Variants in PARP9 observed in about 807,000 individuals in gnomAD.
PARP9 encodes poly(ADP-ribose) polymerase family member 9, also known as protein mono-ADP-ribosyltransferase PARP9.
PARP9 carries 48 observed loss-of-function variants against 68.8 expected under a neutral mutation model. The ratio of observed to expected loss-of-function variants is 0.70; its 90% CI spans 0.55 to 0.89. The LOEUF (loss-of-function observed/expected upper bound fraction) is 0.89, where lower values mean the gene tolerates loss of function less well. Among genes scored for constraint, PARP9 ranks in the 40% least tolerant of loss-of-function variants. The pLI is 0.00. For synonymous variants in PARP9, 309 were observed against 333.8 expected (o/e 0.93, Z 0.81); for missense variants, 806 against 969.3 (o/e 0.83, Z 2.24).
chr3:122,548,106 A>C (rs1376721912), intron 6 of PARP9, among the ~76,000 whole-genome samples: 1 of 152,224 alleles, frequency 6.6e-6, no homozygotes, highest in African/African-American at 2.4e-5. Context: ...ATCTCTTCTA[A>C]ATCTGTTTTC....
At chr3:122,544,233 A>G (rs955266623) in intron 7 of PARP9, among the ~76,000 whole-genome samples, 2 of 152,136 alleles carry the variant, frequency 1.3e-5, no homozygotes, top group Admixed American at 1.3e-4. Context: ...CTCATTCATG[A>G]AGCCATTCTT....
intron 7 of PARP9, among the ~76,000 whole-genome samples, chr3:122,541,895 C>A (rs879479155): frequency 6.6e-6 from 1 of 152,190 alleles, no homozygotes; most frequent in Non-Finnish European, 1.5e-5. Context: ...AAATTCTCAT[C>A]TTTCTCCTGA....
intron 10 of PARP9, chr3:122,535,134 G>T: frequency 1.0e-6 from 1 of 984,938 alleles, no homozygotes; most frequent in Non-Finnish European, 1.2e-6. Context: ...AGTGGGTGGG[G>T]ATTGCAGAGA....
At chr3:122,546,130 T>C (rs952929144) in intron 6 of PARP9, 6 of 152,352 alleles carry the variant, frequency 3.9e-5, no homozygotes, top group African/African-American at 1.2e-4. Context: ...ACTGTCTTCC[T>C]TGTTCAAAGT....
At chr3:122,539,478 C>G (rs569626437) in intron 8 of PARP9, among the ~76,000 whole-genome samples, 3 of 151,194 alleles carry the variant, frequency 2.0e-5, no homozygotes, top group South Asian at 4.2e-4. Context: ...ATATCTATAT[C>G]TATCTCTATC....
At chr3:122,556,455 A>G (rs1030093980) in intron 3 of PARP9, among the ~76,000 whole-genome samples, 8 of 152,204 alleles carry the variant, frequency 5.3e-5, no homozygotes, top group African/African-American at 1.9e-4. Flanking sequence ...TTAAAAATAT[A>G]TATAAAAGTG....
At chr3:122,544,225 C>T (rs1290394010) in intron 7 of PARP9, among the ~76,000 whole-genome samples, 2 of 152,306 alleles carry the variant, frequency 1.3e-5, no homozygotes, top group East Asian at 1.9e-4. Flanking sequence ...AGAACCATCT[C>T]ATTCATGAAG....
In PARP9 at chr3:122,552,579, A is replaced by G; in HGVS notation, c.946T>C (p.Ser316Pro). 1 of 1,614,094 alleles carries G rather than the reference A, an allele frequency of 6.2e-7. No homozygotes were observed. The highest frequency in any genetic ancestry group is 8.5e-7 in the Non-Finnish European group (1 of 1,179,982). The part of the protein sequence containing the change: ...HDITVGPVAK[S>P]ILQQAGVEMK... ...TCAACTCCTGCTTGTTGTAGAATTGACTTTGCCACAGGTCCAACTGTAATA... is the reference window on the plus strand; with the variant it reads ...TCAACTCCTGCTTGTTGTAGAATTGGCTTTGCCACAGGTCCAACTGTAATA... The change falls in exon 5 of 11, where the codon TCA becomes CCA. Residue 316 changes from serine (S) to proline (P), a missense_variant. Ser to Pro is a moderately conservative substitution (Grantham distance 74). Around this residue, in one of 2 missense-constraint regions of PARP9, gnomAD observed 680 missense variants for 858.8 expected, o/e 0.79. Coordinates refer to ENST00000682323, the MANE Select transcript of PARP9 (RefSeq NM_001146105.2).
intron 3 of PARP9, among the ~76,000 whole-genome samples, chr3:122,557,656 G>A (rs890606088): frequency 6.6e-6 from 1 of 152,068 alleles, no homozygotes; most frequent in African/African-American, 2.4e-5. Context: ...GAGACTGTCG[G>A]GTTTTTATTA....
chr3:122,558,500 T>C (rs776859663), intron 2 of PARP9, 33 bp from the exon 3 acceptor site: 2 of 1,611,468 alleles, frequency 1.2e-6, no homozygotes, highest in Non-Finnish European at 1.7e-6. Flanking sequence ...TCTTAAAAAA[T>C]GGAAGTGGAA....
In PARP9 at chr3:122,528,125, G is replaced by C; in HGVS notation, c.*239C>G. The stretch of plus-strand genomic sequence containing the variant: ...TAGTAAAGGAGATTAAAGAACAACT[G>C]CAAGAGGAAGGAAGGTCCTGAAAGT... On this transcript the variant is annotated 3_prime_UTR_variant, in exon 11 of 11. Coordinates refer to ENST00000682323, the MANE Select transcript of PARP9 (RefSeq NM_001146105.2). 1 of 383,344 alleles carries C rather than the reference G, an allele frequency of 2.6e-6. No individual in the cohort carries two copies. Among genetic ancestry groups the C allele is most frequent in the Non-Finnish European group, 4.6e-6 (1 of 215,952 alleles). The allele number at this position is 383,344 out of a possible 1,614,324, so 23.7% of individuals were successfully genotyped here.
chr3:122,541,081 G>A (rs776228896), intron 7 of PARP9, among the ~76,000 whole-genome samples: 5 of 152,050 alleles, frequency 3.3e-5, no homozygotes, highest in African/African-American at 4.8e-5. Context: ...TAGTCGAGAC[G>A]GGGTTTCACC....
chr3:122,559,582 CG>C (rs753091079), intron 2 of PARP9, 23 bp downstream of exon 2: 1 of 1,582,998 alleles, frequency 6.3e-7, no homozygotes, highest in Admixed American at 1.8e-5. Context: ...AGGTTCATGA[CG>C]TATACACATT....
chr3:122,557,535 C>T (rs963382579), intron 3 of PARP9, among the ~76,000 whole-genome samples: 3 of 152,212 alleles, frequency 2.0e-5, no homozygotes, highest in African/African-American at 7.2e-5. Context: ...CAGGGTTCAT[C>T]TCAGCTTTCA....
chr3:122,552,139 C>G (rs1199037617), intron 5 of PARP9, among the ~76,000 whole-genome samples: 1 of 151,842 alleles, frequency 6.6e-6, no homozygotes, highest in Non-Finnish European at 1.5e-5. Context: ...AGGCTGGTCT[C>G]AGACTCCTGG....
Position 122,555,584 on chromosome 3 carries a change from A to T in PARP9, c.587T>A (p.Ile196Asn). 1 of 1,614,172 alleles carries T rather than the reference A, an allele frequency of 6.2e-7. No individual in the cohort carries two copies. The highest frequency in any genetic ancestry group is 8.5e-7 in the Non-Finnish European group (1 of 1,180,022). ...LNYVIYKNTH[I>N]KTVAIPALSS... Reference sequence around the variant, plus strand: ...CAAGGCTGGAATTGCTACTGTCTTAATGTGAGTATTTTTATAGATGACATA... The same window carrying T: ...CAAGGCTGGAATTGCTACTGTCTTATTGTGAGTATTTTTATAGATGACATA... Residue 196 changes from isoleucine (I) to asparagine (N), a missense_variant, in exon 4 of 11, where the codon ATT (isoleucine) becomes AAT (asparagine). Physicochemically the swap from Ile to Asn is moderately radical, Grantham distance 149. Coordinates refer to ENST00000682323, the MANE Select transcript of PARP9 (RefSeq NM_001146105.2).
chr3:122,545,281 G>A, intron 7 of PARP9, 151 bp downstream of exon 7: 1 of 731,238 alleles, frequency 1.4e-6, no homozygotes, highest in Non-Finnish European at 2.4e-6. Context: ...CATGATCAGG[G>A]TAGAGAGTAG....
In PARP9 at chr3:122,540,586, T is replaced by A; in HGVS notation, c.1651A>T (p.Ile551Phe). The A allele has an allele frequency of 6.2e-7, 1 of 1,614,186 alleles. No homozygotes were observed. Among genetic ancestry groups the A allele is most frequent in the African/African-American group, 1.3e-5 (1 of 75,048 alleles). The change falls in exon 8 of 11, where the codon ATT (isoleucine) becomes TTT (phenylalanine). Residue 551 changes from isoleucine (I) to phenylalanine (F), a missense_variant. Transcript: ENST00000682323. ...ATGAGGTCAGCCCGGGCTCCTTCAATCTCTAACTCTGTCCTTCCTGGGCTG... is the reference window on the plus strand; with the variant it reads ...ATGAGGTCAGCCCGGGCTCCTTCAAACTCTAACTCTGTCCTTCCTGGGCTG... ...IISPGRTELE[I>F]EGARADLIEV... is the part of the protein sequence containing the mutation.
intron 3 of PARP9, among the ~76,000 whole-genome samples, chr3:122,557,731 A>T (rs1269914208): frequency 6.6e-6 from 1 of 151,592 alleles, no homozygotes; most frequent in Non-Finnish European, 1.5e-5. Flanking sequence ...AATTTTTTGC[A>T]CTCCTAATTC....
Sources: gnomAD v4.1 joint callset for allele counts (sites outside exome capture counted in the v4.1 genomes callset) on GRCh38, gnomAD v4.1.1 for gene constraint, gnomAD v4.1.1 regional missense constraint, MANE v1.5 for transcripts, NCBI Gene and HGNC (gene_info 2026-07-23, HGNC 2026-07-21) for gene names.